The following MCUB variants were observed in gnomAD, a reference collection of about 807,000 sequenced individuals.
MCUB encodes calcium uniporter regulatory subunit MCUb, mitochondrial.
A neutral mutation model predicts 41.4 loss-of-function variants in MCUB; 46 were observed. The ratio of observed to expected loss-of-function variants is 1.11; its 90% CI spans 0.88 to 1.42. The LOEUF is 1.42. Among genes scored for constraint, MCUB ranks in the 40% most tolerant of loss-of-function variants. The pLI is 0.00. For synonymous variants in MCUB, 148 were observed against 148.2 expected, an observed-to-expected ratio of 1.00 and a Z score of 0.01; for missense variants, 403 against 404.9, an observed-to-expected ratio of 1.00 and a Z score of 0.04.
intron 1 of MCUB, among the ~76,000 whole-genome samples, chr4:109,645,725 A>G (rs1579080792): frequency 6.6e-6 from 1 of 152,102 alleles, no homozygotes; most frequent in African/African-American, 2.4e-5. Flanking sequence ...CCCACTGTGC[A>G]TGCTCTTACC....
chr4:109,630,196 T>G (rs530204837), intron 1 of MCUB, among the ~76,000 whole-genome samples: 1 of 152,320 alleles, frequency 6.6e-6, no homozygotes, highest in East Asian at 1.9e-4. Context: ...TGCGGTGGCT[T>G]GTGCCTATAA....
chr4:109,572,343 A>G (rs1315289023), intron 1 of MCUB, among the ~76,000 whole-genome samples: 1 of 152,286 alleles, frequency 6.6e-6, no homozygotes, highest in Non-Finnish European at 1.5e-5. Context: ...ATAGCTGAGA[A>G]AAGATGCTGA....
intron 2 of MCUB, among the ~76,000 whole-genome samples, chr4:109,659,885 T>C (rs1214084208): frequency 1.3e-5 from 2 of 152,178 alleles, no homozygotes; most frequent in African/African-American, 2.4e-5. Flanking sequence ...CTCAAACTTC[T>C]GCGCTCAGGC....
chr4:109,561,728 A>G (rs968611110), intron 1 of MCUB, among the ~76,000 whole-genome samples: 2 of 152,164 alleles, frequency 1.3e-5, no homozygotes, highest in Non-Finnish European at 2.9e-5. Flanking sequence ...TTCACATGCC[A>G]TTTTAAACAC....
chr4:109,685,121 C>G, intron 6 of MCUB, 130 bp from the exon 7 acceptor site: 1 of 584,860 alleles, frequency 1.7e-6, no homozygotes, highest in Non-Finnish European at 3.1e-6. Context: ...ACTCTCATGG[C>G]CATTGCAAAT....
intron 1 of MCUB, among the ~76,000 whole-genome samples, chr4:109,605,865 G>A (rs938110002): frequency 2.0e-5 from 3 of 152,066 alleles, no homozygotes; most frequent in Admixed American, 6.5e-5. Context: ...GGTTCCATTA[G>A]CATGGAATAT....
intron 1 of MCUB, among the ~76,000 whole-genome samples, chr4:109,598,190 G>A (rs1415993838): frequency 1.3e-5 from 2 of 149,046 alleles, no homozygotes; most frequent in Non-Finnish European, 3.0e-5. Flanking sequence ...TCCCAGACGG[G>A]GTGGCGGCCG....
In MCUB at chr4:109,664,288, A is replaced by T; in HGVS notation, c.347-2A>T. ...TGCTCATGCATGATGTTTTTCTTTC[A>T]GATGGCAACATGATTTCAGCTTCTA... On this transcript the variant is annotated splice_acceptor_variant, in intron 3 of 7. Coordinates refer to ENST00000394650, the MANE Select transcript of MCUB (RefSeq NM_017918.5). LOFTEE classifies it high-confidence loss of function. 6.8e-7 allele frequency: 1 copy of T among 1,467,642 alleles called. No individual in the cohort carries two copies. 90.9% of individuals were successfully genotyped at this position (1,467,642 alleles called of 1,614,324 possible).
intron 4 of MCUB, among the ~76,000 whole-genome samples, chr4:109,670,005 C>A (rs1729420357): frequency 6.6e-6 from 1 of 152,214 alleles, no homozygotes; most frequent in Non-Finnish European, 1.5e-5. Flanking sequence ...AATGTTCCTG[C>A]CATGTCTGGC....
At chr4:109,602,992 A>T (rs1350027915) in intron 1 of MCUB, among the ~76,000 whole-genome samples, 2 of 152,128 alleles carry the variant, frequency 1.3e-5, no homozygotes, top group African/African-American at 2.4e-5. Flanking sequence ...CAGATTGTTC[A>T]CTGTTGGCAT....
intron 1 of MCUB, among the ~76,000 whole-genome samples, chr4:109,641,087 A>G (rs2346835): frequency 0.75 from 113,311 of 151,864 alleles, 43,128 homozygotes; most frequent in African/African-American, 0.91. Context: ...AAAGGTTGGC[A>G]GAGCAGTCAG....
At chr4:109,562,412 A>G (rs1322195000) in intron 1 of MCUB, among the ~76,000 whole-genome samples, 9 of 152,232 alleles carry the variant, frequency 5.9e-5, no homozygotes, top group Non-Finnish European at 1.2e-4. Flanking sequence ...TACAGCTTTT[A>G]CATTTTACCA....
chr4:109,584,927 G>A (rs1727270068), intron 1 of MCUB, among the ~76,000 whole-genome samples: 1 of 152,192 alleles, frequency 6.6e-6, no homozygotes, highest in African/African-American at 2.4e-5. Context: ...TGTATATTCT[G>A]TTGCTTTGGG....
intron 5 of MCUB, chr4:109,682,972 G>T (rs1203490197): frequency 9.9e-6 from 4 of 405,060 alleles, no homozygotes; most frequent in Non-Finnish European, 1.8e-5. Context: ...AGCTCACGTG[G>T]CCTGTGTTCA....
intron 1 of MCUB, among the ~76,000 whole-genome samples, chr4:109,603,146 A>G (rs957102988): frequency 2.0e-5 from 3 of 151,862 alleles, no homozygotes; most frequent in Admixed American, 6.6e-5. Context: ...TCCCTCTGTT[A>G]CCGAGGCTGG....
chr4:109,638,045 C>A (rs1728633709), intron 1 of MCUB, among the ~76,000 whole-genome samples: 1 of 152,064 alleles, frequency 6.6e-6, no homozygotes, highest in South Asian at 2.1e-4. Flanking sequence ...TGTTTTGTTT[C>A]CTAGTGCATA....
intron 1 of MCUB, among the ~76,000 whole-genome samples, chr4:109,649,919 C>G (rs1728922997): frequency 6.6e-6 from 1 of 152,036 alleles, no homozygotes; most frequent in African/African-American, 2.4e-5. Flanking sequence ...CCTGAGAATC[C>G]TTAGATTTGA....
chr4:109,613,393 T>C (rs947830850), intron 1 of MCUB, among the ~76,000 whole-genome samples: 1 of 152,182 alleles, frequency 6.6e-6, no homozygotes, highest in African/African-American at 2.4e-5. Flanking sequence ...GCTGCAACTG[T>C]AGTCATTACA....
intron 1 of MCUB, among the ~76,000 whole-genome samples, chr4:109,577,045 T>C (rs528359467): frequency 6.6e-6 from 1 of 152,240 alleles, no homozygotes; most frequent in South Asian, 2.1e-4. Context: ...AGAGCCAGGG[T>C]TTCGCCATGT....
Sources: allele counts gnomAD v4.1 joint callset (sites outside exome capture counted in the v4.1 genomes callset), GRCh38; gene constraint gnomAD v4.1.1; transcripts MANE v1.5; gene names NCBI Gene and HGNC (gene_info 2026-07-23, HGNC 2026-07-21).